The following AACS variants were observed in gnomAD, a reference collection of about 807,000 sequenced individuals.
AACS encodes the protein acetoacetyl-CoA synthetase, also known as acetoacetate-CoA ligase.
In AACS, 69 loss-of-function variants were observed where a neutral mutation model predicts 83.1. The ratio of observed to expected loss-of-function variants is 0.83; its 90% CI spans 0.68 to 1.01. AACS has a LOEUF of 1.01. Among genes scored for constraint, AACS ranks in the 50% least tolerant of loss-of-function variants. The pLI, the probability that AACS is intolerant of heterozygous loss-of-function variation, is 0.00. For missense variants in AACS, 866 were observed against 882.2 expected (o/e 0.98, Z 0.23); for synonymous variants, 333 against 343.4 (o/e 0.97, Z 0.33).
At chr12:125,091,135 C>T (rs1475306142) in intron 4 of AACS, 16 of 437,780 alleles carry the variant, frequency 3.7e-5, no homozygotes, top group Admixed American at 6.9e-5. Context: ...ACTGAGGAGT[C>T]GGAAGAAGGC....
intron 1 of AACS, among the ~76,000 whole-genome samples, chr12:125,073,380 C>T (rs780043530): frequency 3.9e-5 from 6 of 152,156 alleles, no homozygotes; most frequent in Non-Finnish European, 5.9e-5. Context: ...TCCAATGTAT[C>T]GACTATAAAT....
chr12:125,122,097 C>G (rs981145556), intron 10 of AACS: 1 of 152,450 alleles, frequency 6.6e-6, no homozygotes, highest in Admixed American at 6.5e-5. Flanking sequence ...TTTTGCAGGA[C>G]TGGGGACGTG....
At chr12:125,076,142 A>T (rs899921323) in intron 2 of AACS, among the ~76,000 whole-genome samples, 5 of 152,196 alleles carry the variant, frequency 3.3e-5, no homozygotes, top group African/African-American at 1.2e-4. Context: ...GTGGTCCTGG[A>T]GCTTGCTCTC....
At chr12:125,134,958 T>A in intron 16 of AACS, 106 bp downstream of exon 16, 1 of 1,311,626 alleles carries the variant, frequency 7.6e-7, no homozygotes. Context: ...CCCCTTGTTC[T>A]CTGGTGTGAC....
rs1191008280 is a variant in AACS at position 125,098,725 on chromosome 12, A to G, written c.571-3954A>G. On this transcript the variant is annotated intron_variant, in intron 5 of 17. Coordinates refer to ENST00000316519, the MANE Select transcript of AACS (RefSeq NM_023928.5). ...GCCTTGGCCTCCCGGTGTTGGGTGTACAGGCGTGAGCCACCGCTCCTGGCC... is the reference window on the plus strand; with the variant it reads ...GCCTTGGCCTCCCGGTGTTGGGTGTGCAGGCGTGAGCCACCGCTCCTGGCC... Among the ~76,000 whole-genome samples, 3 of 152,240 alleles carry G rather than the reference A, an allele frequency of 2.0e-5. No homozygotes were observed. In the South Asian group the frequency reaches 6.2e-4, roughly 31 times the overall value.
At chr12:125,086,469 G>A (rs1956342184) in intron 4 of AACS, 26 bp downstream of exon 4, 2 of 1,608,612 alleles carry the variant, frequency 1.2e-6, no homozygotes, top group Admixed American at 3.3e-5. Flanking sequence ...GCTGGTGATG[G>A]TTTGAGGGAG....
intron 1 of AACS, among the ~76,000 whole-genome samples, chr12:125,066,718 G>A (rs1955710195): frequency 6.6e-6 from 1 of 152,012 alleles, no homozygotes; most frequent in African/African-American, 2.4e-5. Flanking sequence ...CAAAGTGCTG[G>A]GATTACAGGT....
intron 8 of AACS, among the ~76,000 whole-genome samples, chr12:125,110,189 T>TTGTGTGTG (rs59856503): frequency 5.0e-5 from 6 of 119,000 alleles, no homozygotes; most frequent in African/African-American, 1.7e-4. Context: ...CCGGCTAAGT[T>TTGTGTGTG]TGTGTGTGTG....
chr12:125,084,821 A>T (rs116739202), intron 3 of AACS, among the ~76,000 whole-genome samples: 1,885 of 152,130 alleles, frequency 0.012, 41 homozygotes, highest in African/African-American at 0.043. Flanking sequence ...AGCTCAAGCA[A>T]CCTGCCCACC....
At chr12:125,107,420 C>A in intron 8 of AACS, 152 bp downstream of exon 8, 1 of 1,100,970 alleles carries the variant, frequency 9.1e-7, no homozygotes, top group Non-Finnish European at 1.3e-6. Flanking sequence ...GGGTGCTGCA[C>A]GGAGATCCGG....
chr12:125,074,567 G>C (rs1001494344), intron 2 of AACS, among the ~76,000 whole-genome samples: 1 of 149,972 alleles, frequency 6.7e-6, no homozygotes, highest in African/African-American at 2.5e-5. Context: ...GTTTAATTAT[G>C]TTAAAATACA....
Position 125,123,905 on chromosome 12 carries a change from T to G in AACS, c.1122-800T>G, listed in dbSNP as rs547265460. 14 of 152,382 alleles carry G rather than the reference T, an allele frequency of 9.2e-5. No homozygotes were observed. In the East Asian group the frequency reaches 2.7e-3, roughly 29 times the overall value. The allele number at this position is 152,382 out of a possible 1,614,324, so 9.4% of individuals were successfully genotyped here. ...AGTGAGGTATATTCAGCAGCGTGTG[T>G]TGTTCTGTGAGCACAAATGCATAGA... On this transcript the variant is annotated intron_variant, in intron 10 of 17. Coordinates refer to ENST00000316519, the MANE Select transcript of AACS (RefSeq NM_023928.5).
intron 5 of AACS, 103 bp downstream of exon 5, chr12:125,091,626 G>A (rs1019860376): frequency 1.6e-6 from 2 of 1,215,908 alleles, no homozygotes; most frequent in Non-Finnish European, 2.4e-6. Context: ...AGCAGCGTGA[G>A]CCCAGCGGGA....
At chr12:125,082,832 G>GACAC (rs141554450) in intron 3 of AACS, among the ~76,000 whole-genome samples, 16 of 150,996 alleles carry the variant, frequency 1.1e-4, no homozygotes, top group Non-Finnish European at 1.8e-4. Context: ...AACACACACA[G>GACAC]ACACACACAC....
intron 8 of AACS, 136 bp from the exon 9 acceptor site, chr12:125,114,341 C>T: frequency 1.5e-6 from 1 of 646,128 alleles, no homozygotes; most frequent in East Asian, 3.0e-5. Flanking sequence ...CCAAAGTCTG[C>T]TTCTCCCAGG....
intron 12 of AACS, chr12:125,126,698 CAGCCTCCTG>C (rs977558886): frequency 2.4e-4 from 37 of 152,236 alleles, no homozygotes; most frequent in African/African-American, 5.5e-4. Context: ...CCTCCCACCT[CAGCCTCCTG>C]AGTAGCTAGG....
intron 15 of AACS, 101 bp from the exon 16 acceptor site, chr12:125,134,693 A>T: frequency 7.7e-7 from 1 of 1,292,890 alleles, no homozygotes; most frequent in Non-Finnish European, 1.1e-6. Flanking sequence ...GTCCTGGGGG[A>T]TGCCATGGGA....
At chr12:125,080,275 A>G (rs1338534661) in intron 3 of AACS, among the ~76,000 whole-genome samples, 1 of 152,224 alleles carries the variant, frequency 6.6e-6, no homozygotes, top group Non-Finnish European at 1.5e-5. Flanking sequence ...CAGACACTTC[A>G]TGAGCTCCTG....
intron 2 of AACS, among the ~76,000 whole-genome samples, chr12:125,074,555 AG>A (rs1955966077): frequency 6.6e-6 from 1 of 152,082 alleles, no homozygotes; most frequent in African/African-American, 2.4e-5. Context: ...TCAAAAAAAA[AG>A]GTTTAATTAT....
Sources: allele counts gnomAD v4.1 joint callset (sites outside exome capture counted in the v4.1 genomes callset), GRCh38; gene constraint gnomAD v4.1.1; transcripts MANE v1.5; gene names NCBI Gene and HGNC (gene_info 2026-07-23, HGNC 2026-07-21).